The following FBXO38 variants were observed in gnomAD, a reference collection of about 807,000 sequenced individuals.
FBXO38 encodes the protein F-box only protein 38.
FBXO38 carries 53 observed loss-of-function variants against 131.9 expected under a neutral mutation model. That is an observed-to-expected ratio of 0.40 (90% CI 0.32 to 0.51). The LOEUF (loss-of-function observed/expected upper bound fraction) is 0.51, where lower values mean the gene tolerates loss of function less well. Ranked by LOEUF, FBXO38 falls within the 20% of genes least tolerant of loss-of-function variation. FBXO38 has a pLI of 0.53. For synonymous variants in FBXO38, 452 were observed against 505.6 expected (o/e 0.89, Z 1.42); for missense variants, 1,076 against 1,475.6 (o/e 0.73, Z 4.44).
Position 148,427,634 on chromosome 5 carries a change from G to A in FBXO38, c.2340G>A (p.Arg780=), listed in dbSNP as rs143193609. 1.9e-6 allele frequency: 3 copies of A among 1,614,058 alleles called. No homozygotes were observed. The highest frequency in any genetic ancestry group is 2.5e-6 in the Non-Finnish European group (3 of 1,180,026). The change falls in exon 15 of 22, where the codon AGG becomes AGA. Residue 780 remains arginine (R), a synonymous_variant. Coordinates refer to ENST00000340253, the MANE Select transcript of FBXO38 (RefSeq NM_205836.3). The part of the protein sequence containing the change: ...SSVCPRCCCH[R]PQESQRRTSR... ...TCTGCCCCAGATGCTGCTGTCACAGGCCCCAGGAATCCCAAAGGAGAACTA... is the reference window on the plus strand; with the variant it reads ...TCTGCCCCAGATGCTGCTGTCACAGACCCCAGGAATCCCAAAGGAGAACTA...
At chr5:148,413,757 T>C (rs995229881) in intron 9 of FBXO38, 2 of 158,004 alleles carry the variant, frequency 1.3e-5, no homozygotes, top group African/African-American at 2.4e-5. Flanking sequence ...CATCATTTTA[T>C]TGTAAGGGAG....
In FBXO38 at chr5:148,433,466, G is replaced by A. The variant is rs777442483; in HGVS notation, c.2696G>A (p.Arg899Gln). The stretch of plus-strand genomic sequence containing the variant: ...CCACGTCACGCCATGAAACGGAAGC[G>A]GACAGCAGATAAATCCACTAGTACA... Reference protein sequence around the residue: ...TKPRHAMKRKRTADKSTSTSD... With the variant: ...TKPRHAMKRKQTADKSTSTSD... The change falls in exon 16 of 22, where the codon CGG becomes CAG. Residue 899 changes from arginine (R) to glutamine (Q), a missense_variant. Physicochemically the swap from Arg to Gln is conservative, Grantham distance 43. Around this residue, in one of 8 missense-constraint regions of FBXO38, gnomAD observed 282 missense variants for 418.8 expected, o/e 0.67. Transcript: ENST00000340253. 1.4e-5 allele frequency: 23 copies of A among 1,613,702 alleles called. No individual in the cohort carries two copies. The highest frequency in any genetic ancestry group is 2.2e-5 in the South Asian group (2 of 91,034).
intron 1 of FBXO38, among the ~76,000 whole-genome samples, chr5:148,385,444 ATAAAAT>A (rs903077186): frequency 6.6e-6 from 1 of 152,204 alleles, no homozygotes; most frequent in African/African-American, 2.4e-5. Context: ...GTATAGTGAA[ATAAAAT>A]TAAAAAGGAG....
intron 15 of FBXO38, 69 bp downstream of exon 15, chr5:148,428,016 A>G: frequency 7.2e-7 from 1 of 1,397,570 alleles, no homozygotes; most frequent in Non-Finnish European, 9.4e-7. Flanking sequence ...TTGTTTCATG[A>G]GTTTTCTTAC....
In FBXO38 at chr5:148,427,551, T is replaced by C. The variant is rs1188977922; in HGVS notation, c.2257T>C (p.Ser753Pro). 1 of 1,613,906 alleles carries C rather than the reference T, an allele frequency of 6.2e-7. No homozygotes were observed. The highest frequency in any genetic ancestry group is 8.5e-7 in the Non-Finnish European group (1 of 1,180,014). Residue 753 changes from serine to proline, a missense_variant, in exon 15 of 22, where the codon TCC becomes CCC. Ser to Pro is a moderately conservative substitution (Grantham distance 74). Coordinates refer to ENST00000340253, the MANE Select transcript of FBXO38 (RefSeq NM_205836.3). ...EVDVSRQCAC[S>P]PGGSEDSEAM... ...GGATGTGTCCAGGCAGTGTGCCTGC[T>C]CCCCCGGTGGGTCAGAGGACTCTGA...
intron 12 of FBXO38, among the ~76,000 whole-genome samples, chr5:148,420,795 T>C (rs1753372070): frequency 6.6e-6 from 1 of 152,090 alleles, no homozygotes; most frequent in Non-Finnish European, 1.5e-5. Context: ...GTTCCAGTTA[T>C]TCGGCTGTGT....
At chr5:148,416,334 T>G (rs1364503883) in intron 11 of FBXO38, among the ~76,000 whole-genome samples, 1 of 151,974 alleles carries the variant, frequency 6.6e-6, no homozygotes, top group African/African-American at 2.4e-5. Flanking sequence ...AAAGGTAAGG[T>G]AAGGGTGAGG....
Position 148,404,834 on chromosome 5 carries a change from C to G in FBXO38, c.730+12C>G. The G allele has an allele frequency of 6.3e-7, 1 of 1,580,018 alleles. No homozygotes were observed. Among genetic ancestry groups the G allele is most frequent in the Non-Finnish European group, 8.5e-7 (1 of 1,169,828 alleles). On this transcript the variant is annotated intron_variant, in intron 6 of 21. Coordinates refer to ENST00000340253, the MANE Select transcript of FBXO38 (RefSeq NM_205836.3). ...GAGGAACTGTGCAGGTAATGGTACA[C>G]AATTATGGTGGAATTAAACATAAGT...
Position 148,433,519 on chromosome 5 carries a change from G to A in FBXO38, c.2749G>A (p.Val917Met). ...TSDPVIEDDHVQVLVLKSKNL... is the reference protein window; with the variant it reads ...TSDPVIEDDHMQVLVLKSKNL... The stretch of plus-strand genomic sequence containing the variant: ...TGATCCTGTGATCGAGGATGACCAT[G>A]TGCAGGTAGAGAAAAAACCCTCACT... Residue 917 changes from valine (V) to methionine (M), a missense_variant, in exon 16 of 22, where the codon GTG becomes ATG. Physicochemically the swap from Val to Met is conservative, Grantham distance 21. This residue lies in a region of FBXO38 where 282 missense variants were observed against 418.8 expected (regional missense o/e 0.67). Coordinates refer to ENST00000340253, the MANE Select transcript of FBXO38 (RefSeq NM_205836.3). The A allele has an allele frequency of 6.2e-7, 1 of 1,610,484 alleles. No homozygotes were observed. Among genetic ancestry groups the A allele is most frequent in the Non-Finnish European group, 8.5e-7 (1 of 1,177,460 alleles).
intron 7 of FBXO38, among the ~76,000 whole-genome samples, 170 bp downstream of exon 7, chr5:148,406,564 A>G (rs1002766950): frequency 1.3e-5 from 2 of 152,070 alleles, no homozygotes; most frequent in African/African-American, 4.8e-5. Flanking sequence ...GCTAGTATTC[A>G]TTTTCTTTTG....
At position 148,427,222 on chromosome 5, in the gene FBXO38, A is replaced by T. The variant is rs200053204; in HGVS notation, c.1928A>T (p.Lys643Ile). The change falls in exon 15 of 22, where the codon AAA (lysine) becomes ATA (isoleucine). Residue 643 changes from lysine (K) to isoleucine (I), a missense_variant. By Grantham distance (102) the Lys-to-Ile change is moderately radical (BLOSUM62 -3). This residue lies in a region of FBXO38 where 212 missense variants were observed against 221.2 expected (regional missense o/e 0.96). Coordinates refer to ENST00000340253, the MANE Select transcript of FBXO38 (RefSeq NM_205836.3). Reference protein sequence around the residue: ...VQSRELSVSGKGKTPLRKRYN... With the variant: ...VQSRELSVSGIGKTPLRKRYN... ...CTTTTTCTATAAGCAGTAAGTGGAA[A>T]AGGCAAGACTCCACTTCGAAAGAGG... 7 of 1,582,662 alleles carry T rather than the reference A, an allele frequency of 4.4e-6. No individual in the cohort carries two copies. Among genetic ancestry groups the T allele is most frequent in the Non-Finnish European group, 8.6e-7 (1 of 1,164,080 alleles).
intron 10 of FBXO38, among the ~76,000 whole-genome samples, chr5:148,415,703 G>T (rs1561530169): frequency 6.6e-6 from 1 of 151,990 alleles, no homozygotes; most frequent in South Asian, 2.1e-4. Context: ...TTAAATCAGG[G>T]CTGATTGGAT....
chr5:148,397,326 C>G (rs1358552293), intron 2 of FBXO38, among the ~76,000 whole-genome samples: 1 of 152,006 alleles, frequency 6.6e-6, no homozygotes, highest in Non-Finnish European at 1.5e-5. Context: ...TATGCTACTT[C>G]TTAGGGAAAA....
chr5:148,430,406 C>G (rs989978077), intron 15 of FBXO38: 2 of 151,826 alleles, frequency 1.3e-5, no homozygotes, highest in African/African-American at 2.4e-5. Flanking sequence ...TCTCGGCTCA[C>G]TGCAAGCTCC....
At chr5:148,425,974 T>C (rs974761146) in intron 14 of FBXO38, among the ~76,000 whole-genome samples, 6 of 152,040 alleles carry the variant, frequency 3.9e-5, no homozygotes, top group African/African-American at 1.4e-4. Context: ...GTGTCAGAGA[T>C]TAGTGAGCGA....
At chr5:148,430,486 A>G (rs960503030) in intron 15 of FBXO38, 1 of 151,888 alleles carries the variant, frequency 6.6e-6, no homozygotes, top group Non-Finnish European at 1.5e-5. Flanking sequence ...GCCTATCACC[A>G]TGCCTGGCTA....
intron 14 of FBXO38, 38 bp from the exon 15 acceptor site, chr5:148,427,175 T>C: frequency 6.5e-7 from 1 of 1,537,854 alleles, no homozygotes; most frequent in Non-Finnish European, 8.7e-7. Flanking sequence ...CTGAAATCTT[T>C]TCTTTTCCTC....
chr5:148,441,350 T>C (rs925279785), intron 21 of FBXO38, 113 bp downstream of exon 21: 14 of 750,188 alleles, frequency 1.9e-5, no homozygotes, highest in Middle Eastern at 2.4e-4. Flanking sequence ...TGGTTTCCCA[T>C]AGAAATAATT....
intron 15 of FBXO38, among the ~76,000 whole-genome samples, chr5:148,429,701 A>G (rs1325885299): frequency 6.6e-6 from 1 of 152,108 alleles, no homozygotes; most frequent in Non-Finnish European, 1.5e-5. Flanking sequence ...TTGTCGTTTT[A>G]CTTATGTCTC....
Sources: gnomAD v4.1 joint callset for allele counts (sites outside exome capture counted in the v4.1 genomes callset) on GRCh38, gnomAD v4.1.1 for gene constraint, gnomAD v4.1.1 regional missense constraint, MANE v1.5 for transcripts, NCBI Gene and HGNC (gene_info 2026-07-23, HGNC 2026-07-21) for gene names.